AGBL1: variants seen among roughly 807,000 people sequenced by gnomAD.
The protein encoded by AGBL1 is cytosolic carboxypeptidase 4.
In AGBL1, 130 loss-of-function variants were observed where a neutral mutation model predicts 118.9. The observed-to-expected ratio is 1.09, with a 90% confidence interval of 0.95 to 1.26. The LOEUF (loss-of-function observed/expected upper bound fraction) is 1.26, where lower values mean the gene tolerates loss of function less well. AGBL1 is among the 50% of genes most tolerant of loss of function. The pLI, the probability that AGBL1 is intolerant of heterozygous loss-of-function variation, is 0.00. For missense variants in AGBL1, 1,584 were observed against 1,298.1 expected, an observed-to-expected ratio of 1.22 and a Z score of -3.38; for synonymous variants, 555 against 478.9, an observed-to-expected ratio of 1.16 and a Z score of -2.08.
Position 86,198,645 on chromosome 15 carries a change from A to G in AGBL1, c.489-26269A>G, listed in dbSNP as rs1261063113. ...TTAATCCTACAGGACTGATGGCCTCATGAGAAGAGGAAGATTTTCTCTCTC... is the reference window on the plus strand; with the variant it reads ...TTAATCCTACAGGACTGATGGCCTCGTGAGAAGAGGAAGATTTTCTCTCTC... On this transcript the variant is annotated intron_variant, in intron 5 of 22. Coordinates refer to ENST00000614907, the MANE Select transcript of AGBL1 (RefSeq NM_001386094.1). 3.3e-5 allele frequency among the ~76,000 whole-genome samples: 5 copies of G among 152,078 alleles called. No individual in the cohort carries two copies. In the East Asian group the frequency reaches 7.7e-4, roughly 24 times the overall value.
chr15:86,691,206 G>T (rs1443928129), intron 22 of AGBL1, among the ~76,000 whole-genome samples: 5 of 152,056 alleles, frequency 3.3e-5, no homozygotes, highest in Admixed American at 3.3e-4. Flanking sequence ...TAAGGCAAAT[G>T]AACATTTTGG....
At chr15:86,549,938 T>A (rs1012976466) in intron 20 of AGBL1, among the ~76,000 whole-genome samples, 2 of 151,368 alleles carry the variant, frequency 1.3e-5, no homozygotes, top group Non-Finnish European at 2.9e-5. Flanking sequence ...ATAGTGTTGA[T>A]GAGTATCATA....
chr15:86,787,534 G>A (rs116990999), intron 22 of AGBL1, among the ~76,000 whole-genome samples: 2,134 of 152,096 alleles, frequency 0.014, 13 homozygotes, highest in Non-Finnish European at 0.021. Context: ...TTTTATCTGG[G>A]TCTAGCTTTT....
At chr15:86,287,765 G>A (rs2079477877) in intron 16 of AGBL1, among the ~76,000 whole-genome samples, 1 of 152,138 alleles carries the variant, frequency 6.6e-6, no homozygotes, top group Non-Finnish European at 1.5e-5. Context: ...GAGAGAGAGA[G>A]AGTGAGCTCA....
chr15:86,704,088 T>C (rs948293146), intron 22 of AGBL1, among the ~76,000 whole-genome samples: 5 of 152,200 alleles, frequency 3.3e-5, no homozygotes, highest in African/African-American at 1.2e-4. Context: ...GCTAGCCATA[T>C]GCAGAAAACT....
At chr15:86,599,538 G>A (rs2084462595) in intron 21 of AGBL1, among the ~76,000 whole-genome samples, 1 of 152,030 alleles carries the variant, frequency 6.6e-6, no homozygotes, top group Non-Finnish European at 1.5e-5. Context: ...CCTTTGGGAA[G>A]TGCAATGGGA....
intron 22 of AGBL1, among the ~76,000 whole-genome samples, chr15:86,884,014 A>G (rs1228549237): frequency 2.0e-5 from 3 of 152,156 alleles, no homozygotes; most frequent in Non-Finnish European, 4.4e-5. Context: ...TTTTCTTCTG[A>G]GACCCATGGA....
intron 17 of AGBL1, among the ~76,000 whole-genome samples, chr15:86,366,234 C>T (rs182977410): frequency 1.3e-5 from 2 of 152,268 alleles, no homozygotes; most frequent in African/African-American, 4.8e-5. Context: ...GAGTCTGAGA[C>T]AATGGCTGAA....
At chr15:86,264,897 A>C in intron 11 of AGBL1, 59 bp downstream of exon 11, 2 of 1,417,344 alleles carry the variant, frequency 1.4e-6, no homozygotes, top group South Asian at 1.4e-5. Context: ...TTTTATAAGT[A>C]AAATGGTTTG....
chr15:86,733,733 G>T (rs2077557774), intron 22 of AGBL1, among the ~76,000 whole-genome samples: 1 of 152,144 alleles, frequency 6.6e-6, no homozygotes, highest in Non-Finnish European at 1.5e-5. Context: ...ATAAAGAAAA[G>T]TGAGGCTCAG....
At chr15:86,696,780 A>G (rs1270944666) in intron 22 of AGBL1, among the ~76,000 whole-genome samples, 1 of 151,854 alleles carries the variant, frequency 6.6e-6, no homozygotes. Flanking sequence ...CAGTTCTTGT[A>G]GTGCTGGCTT....
At chr15:86,546,218 T>A in intron 20 of AGBL1, 85 bp downstream of exon 20, 1 of 1,328,278 alleles carries the variant, frequency 7.5e-7, no homozygotes, top group Non-Finnish European at 9.8e-7. Context: ...ACTCATTTAT[T>A]TAGTTTTTTT....
intron 23 of AGBL1, among the ~76,000 whole-genome samples, chr15:86,933,301 A>G (rs1358840132): frequency 6.6e-6 from 1 of 152,186 alleles, no homozygotes; most frequent in Non-Finnish European, 1.5e-5. Flanking sequence ...CAAGGATGAT[A>G]ATAGTCCCTC....
chr15:86,919,718 A>G, downstream of AGBL1, among the ~76,000 whole-genome samples: 1 of 152,188 alleles, frequency 6.6e-6, no homozygotes, highest in Non-Finnish European at 1.5e-5. Flanking sequence ...TGGTAAGAGG[A>G]AGATTATAAA....
At chr15:86,318,696 A>ATTTTTTTTTTTTTTTTTTTTTT (rs57988335) in intron 17 of AGBL1, among the ~76,000 whole-genome samples, 1 of 81,950 alleles carries the variant, frequency 1.2e-5, no homozygotes, top group Non-Finnish European at 2.3e-5. Context: ...TTGATCATAG[A>ATTTTTTTTTTTTTTTTTTTTTT]TTTTTTTTTT....
At chr15:86,438,050 T>C (rs1379026921) in intron 18 of AGBL1, among the ~76,000 whole-genome samples, 1 of 152,020 alleles carries the variant, frequency 6.6e-6, no homozygotes, top group Non-Finnish European at 1.5e-5. Flanking sequence ...GGATTACAGA[T>C]GCGTGCCACC....
intron 21 of AGBL1, among the ~76,000 whole-genome samples, chr15:86,600,735 C>G (rs547293881): frequency 6.6e-6 from 1 of 152,232 alleles, no homozygotes; most frequent in African/African-American, 2.4e-5. Flanking sequence ...TTACCCTCAC[C>G]TCCAAAACAA....
At chr15:86,226,485 C>T (rs187723578) in intron 6 of AGBL1, among the ~76,000 whole-genome samples, 21 of 152,314 alleles carry the variant, frequency 1.4e-4, no homozygotes, top group Non-Finnish European at 2.6e-4. Context: ...TTTCTACATA[C>T]ACACTTTCCT....
intron 22 of AGBL1, among the ~76,000 whole-genome samples, chr15:86,858,994 A>G (rs2079524105): frequency 6.6e-6 from 1 of 152,212 alleles, no homozygotes; most frequent in South Asian, 2.1e-4. Context: ...TCCTAAGCTC[A>G]TATACCTTCC....
Sources: gnomAD v4.1 joint callset for allele counts (sites outside exome capture counted in the v4.1 genomes callset) on GRCh38, gnomAD v4.1.1 for gene constraint, MANE v1.5 for transcripts, NCBI Gene and HGNC (gene_info 2026-07-23, HGNC 2026-07-21) for gene names.